The following KIF1B variants were observed in gnomAD, a reference collection of about 807,000 sequenced individuals.
The protein encoded by KIF1B is kinesin family member 1B.
Under a neutral mutation model 241.9 loss-of-function variants are expected in KIF1B, and 76 were observed. The observed-to-expected ratio is 0.31, with a 90% confidence interval of 0.26 to 0.38. The LOEUF (loss-of-function observed/expected upper bound fraction) is 0.38. Ranked by LOEUF, KIF1B falls within the 10% of genes least tolerant of loss-of-function variation. The probability of loss-of-function intolerance (pLI) is 1.00; values close to 1 mark genes in which losing one functional copy is unlikely to be tolerated. For synonymous variants in KIF1B, 750 were observed against 796.7 expected (o/e 0.94, Z 0.99); for missense variants, 1,622 against 2,271.4 (o/e 0.71, Z 5.81).
intron 31 of KIF1B, among the ~76,000 whole-genome samples, chr1:10,338,252 G>A (rs1178535276): frequency 1.3e-5 from 2 of 152,114 alleles, no homozygotes; most frequent in African/African-American, 4.8e-5. Context: ...GCTGCTTTGG[G>A]TTCTGCCATC....
At chr1:10,217,726 C>T (rs1646787678) in intron 1 of KIF1B, among the ~76,000 whole-genome samples, 1 of 151,992 alleles carries the variant, frequency 6.6e-6, no homozygotes, top group South Asian at 2.1e-4. Context: ...GCAGGCCCAC[C>T]CTGACCTCAT....
intron 1 of KIF1B, among the ~76,000 whole-genome samples, chr1:10,220,533 G>A (rs1646830920): frequency 6.6e-6 from 1 of 152,108 alleles, no homozygotes; most frequent in African/African-American, 2.4e-5. Flanking sequence ...AAACAGGGCA[G>A]TGATGCATGC....
In KIF1B at chr1:10,271,385, CTAATACT is replaced by C. The variant is rs1007414493; in HGVS notation, c.721-115_721-109del. 224 of 793,578 alleles carry C rather than the reference CTAATACT, an allele frequency of 2.8e-4. No homozygotes were observed. The African/African-American group carries it at 3.3e-3, about 12-fold the overall frequency. 49.2% of individuals were successfully genotyped at this position (793,578 alleles called of 1,614,324 possible). On this transcript the variant is annotated intron_variant, in intron 7 of 48. Transcript: ENST00000676179. ...TCTTTTTGTGCCATATTTAAAAGCT[CTAATACT>C]TTTAGTTTTTTCCATACCTTAATCT...
intron 7 of KIF1B, among the ~76,000 whole-genome samples, chr1:10,270,573 T>C (rs1648734272): frequency 6.6e-6 from 1 of 152,150 alleles, no homozygotes; most frequent in Non-Finnish European, 1.5e-5. Context: ...GGACATTTGT[T>C]TTTGTTCTGT....
At chr1:10,245,199 A>G (rs1028648251) in intron 2 of KIF1B, among the ~76,000 whole-genome samples, 1 of 152,208 alleles carries the variant, frequency 6.6e-6, no homozygotes, top group Non-Finnish European at 1.5e-5. Context: ...TCTAGGGCTC[A>G]GTAATTAAAG....
At chr1:10,275,595 T>C in intron 11 of KIF1B, 92 bp downstream of exon 11, 1 of 812,818 alleles carries the variant, frequency 1.2e-6, no homozygotes, top group Non-Finnish European at 2.2e-6. Context: ...AGACAAATAA[T>C]CTCTAGATAT....
intron 15 of KIF1B, among the ~76,000 whole-genome samples, chr1:10,290,265 T>C (rs1649926927): frequency 6.6e-6 from 1 of 152,140 alleles, no homozygotes; most frequent in Non-Finnish European, 1.5e-5. Flanking sequence ...ATCAACCCGT[T>C]ATCTGGGTTT....
chr1:10,339,304 G>A (rs998824316), intron 31 of KIF1B, among the ~76,000 whole-genome samples: 6 of 152,282 alleles, frequency 3.9e-5, no homozygotes, highest in African/African-American at 1.2e-4. Context: ...ACACAAAGCT[G>A]CCAGGGTAAG....
Position 10,261,959 on chromosome 1 carries a change from T to C in KIF1B, c.418T>C (p.Tyr140His). 1 of 1,610,184 alleles carries C rather than the reference T, an allele frequency of 6.2e-7. No homozygotes were observed. The highest frequency in any genetic ancestry group is 1.7e-4 in the Middle Eastern group (1 of 6,060). The change falls in exon 5 of 49, where the codon TAC becomes CAC. Residue 140 changes from tyrosine to histidine, a missense_variant. By Grantham distance (83) the Tyr-to-His change is moderately conservative. Around this residue, in one of 7 missense-constraint regions of KIF1B, gnomAD observed 156 missense variants for 244.8 expected, o/e 0.64. Coordinates refer to ENST00000676179, the MANE Select transcript of KIF1B (RefSeq NM_001365951.3). Reference protein sequence around the residue: ...INDNCNEEMSYSVEVSYMEIY... With the variant: ...INDNCNEEMSHSVEVSYMEIY... ...TGACAACTGTAATGAAGAAATGTCT[T>C]ACTCTGTAGAGGTGAGTACAGCCGT... is the stretch of plus-strand genomic sequence containing the variant.
intron 22 of KIF1B, chr1:10,306,124 C>A: frequency 9.6e-7 from 1 of 1,040,554 alleles, no homozygotes; most frequent in East Asian, 5.8e-5. Context: ...AAAATACTTT[C>A]TTAATGCTCA....
chr1:10,356,859 C>G (rs1422978880), intron 38 of KIF1B, among the ~76,000 whole-genome samples: 1 of 151,788 alleles, frequency 6.6e-6, no homozygotes, highest in Non-Finnish European at 1.5e-5. Flanking sequence ...AAGATCGTGC[C>G]ACTACACTCC....
chr1:10,280,307 T>C (rs960200711), intron 14 of KIF1B, among the ~76,000 whole-genome samples: 3 of 152,066 alleles, frequency 2.0e-5, no homozygotes, highest in Non-Finnish European at 4.4e-5. Context: ...GAATCTCGGC[T>C]CACTGCAACT....
At position 10,337,019 on chromosome 1, in the gene KIF1B, G is replaced by GA. The variant is rs1652204470; in HGVS notation, c.3130-50dup. On this transcript the variant is annotated intron_variant, in intron 29 of 48. Transcript: ENST00000676179. This position sits in a 1 kb window ranked among gnomAD's most constrained non-coding sequence, Gnocchi z 4.0. ...GATAAACAGAAGTAAGGCAACTGGG[G>GA]AAAAATACGTTTTTATACTACTTTA... 13 of 1,611,782 alleles carry GA rather than the reference G, an allele frequency of 8.1e-6. No homozygotes were observed. The highest frequency in any genetic ancestry group is 2.7e-5 in the African/African-American group (2 of 74,868).
chr1:10,221,091 A>C lies in KIF1B; in HGVS notation c.-80+10213A>C, dbSNP rs1000768928. Among the ~76,000 whole-genome samples the C allele has an allele frequency of 4.9e-5, 7 of 142,870 alleles. No individual in the cohort carries two copies. The East Asian group carries it at 1.0e-3, about 21-fold the overall frequency. The allele number at this position is 142,870 out of a possible 152,430, so 93.7% of individuals were successfully genotyped here. Reference sequence around the variant, plus strand: ...TTGGATTGGGTTAGAATACAGAAAGAAGCTTTTTTTTTTTTTTTTTTTTTG... The same window carrying C: ...TTGGATTGGGTTAGAATACAGAAAGCAGCTTTTTTTTTTTTTTTTTTTTTG... On this transcript the variant is annotated intron_variant, in intron 1 of 48. Coordinates refer to ENST00000676179, the MANE Select transcript of KIF1B (RefSeq NM_001365951.3).
intron 1 of KIF1B, among the ~76,000 whole-genome samples, chr1:10,228,808 G>T (rs1053591135): frequency 2.6e-5 from 4 of 152,160 alleles, no homozygotes; most frequent in African/African-American, 9.7e-5. Flanking sequence ...GGAAGGGAGG[G>T]ATAGAATAAA....
At chr1:10,338,420 A>C (rs1476409623) in intron 31 of KIF1B, among the ~76,000 whole-genome samples, 1 of 152,216 alleles carries the variant, frequency 6.6e-6, no homozygotes, top group Non-Finnish European at 1.5e-5. Context: ...TACAAGTCAT[A>C]GTTGTTGGAA....
At position 10,261,464 on chromosome 1, in the gene KIF1B, G is replaced by A. The variant is rs147821497; in HGVS notation, c.364-441G>A. ...TCACCATGTTGGCCAAGATGTTCTC[G>A]ATCTCCTGACCTTGTGATCTGCCTG... is the stretch of plus-strand genomic sequence containing the variant. On this transcript the variant is annotated intron_variant, in intron 4 of 48. Coordinates refer to ENST00000676179, the MANE Select transcript of KIF1B (RefSeq NM_001365951.3). 6.8e-3 allele frequency among the ~76,000 whole-genome samples: 1,028 copies of A among 151,746 alleles called. 10 individuals are homozygous for A. The highest frequency in any genetic ancestry group is 0.038 in the Middle Eastern group (11 of 290).
chr1:10,295,062 T>A, intron 17 of KIF1B, 24 bp from the exon 18 acceptor site: 3 of 1,527,916 alleles, frequency 2.0e-6, no homozygotes, highest in Non-Finnish European at 2.7e-6. Flanking sequence ...CTGCTCCAAA[T>A]TGATCATCTG....
intron 2 of KIF1B, among the ~76,000 whole-genome samples, chr1:10,245,962 C>T (rs766252291): frequency 2.0e-5 from 3 of 152,140 alleles, no homozygotes; most frequent in Non-Finnish European, 4.4e-5. Context: ...CTTTTGTCCT[C>T]AGATCTCTCT....
Sources: allele counts gnomAD v4.1 joint callset (sites outside exome capture counted in the v4.1 genomes callset), GRCh38; gene constraint gnomAD v4.1.1; regional missense constraint gnomAD v4.1.1; non-coding constraint Gnocchi (gnomAD v3.1); transcripts MANE v1.5; gene names NCBI Gene and HGNC (gene_info 2026-07-23, HGNC 2026-07-21).